Variants in DIP2B observed in about 807,000 individuals in gnomAD.
The protein encoded by DIP2B is disco-interacting protein 2 homolog B.
In DIP2B, 76 loss-of-function variants were observed where a neutral mutation model predicts 198.0. The observed-to-expected ratio is 0.38, with a 90% confidence interval of 0.32 to 0.46. The LOEUF (loss-of-function observed/expected upper bound fraction) is 0.46, where lower values mean the gene tolerates loss of function less well. Ranked by LOEUF, DIP2B falls within the 20% of genes least tolerant of loss-of-function variation. DIP2B has a pLI of 0.99. For missense variants in DIP2B, 1,559 were observed against 1,978.4 expected (o/e 0.79, Z 4.02); for synonymous variants, 701 against 739.1 (o/e 0.95, Z 0.84).
intron 25 of DIP2B, among the ~76,000 whole-genome samples, chr12:50,719,352 A>G (rs1032544136): frequency 2.0e-5 from 3 of 152,222 alleles, no homozygotes; most frequent in Non-Finnish European, 4.4e-5. Context: ...TATGTCATAC[A>G]GTTTTTTTAC....
intron 1 of DIP2B, among the ~76,000 whole-genome samples, chr12:50,587,363 A>C (rs1958780072): frequency 6.6e-6 from 1 of 152,186 alleles, no homozygotes; most frequent in South Asian, 2.1e-4. Flanking sequence ...CTCACTTGCT[A>C]TATGGACCTT....
At chr12:50,675,560 C>A in intron 7 of DIP2B, 112 bp downstream of exon 7, 2 of 1,035,110 alleles carry the variant, frequency 1.9e-6, no homozygotes, top group Non-Finnish European at 2.7e-6. Context: ...GTTCTTGGTT[C>A]AAAGAGTTCA....
chr12:50,592,947 G>C (rs1958832282), intron 1 of DIP2B, among the ~76,000 whole-genome samples: 1 of 151,734 alleles, frequency 6.6e-6, no homozygotes, highest in South Asian at 2.1e-4. Context: ...GGCACTGATG[G>C]CTGACCTGTT....
At chr12:50,564,121 C>CGT (rs35975945) in intron 1 of DIP2B, among the ~76,000 whole-genome samples, 37,009 of 150,834 alleles carry the variant, frequency 0.25, 5,252 homozygotes, top group East Asian at 0.39. Context: ...TGGGTTCTTG[C>CGT]GTGTGTGTGT....
At chr12:50,664,043 G>A (rs1938703438) in intron 4 of DIP2B, among the ~76,000 whole-genome samples, 1 of 152,098 alleles carries the variant, frequency 6.6e-6, no homozygotes. Context: ...CTGTCACTCT[G>A]CACTTGCTGT....
chr12:50,513,885 A>AG (rs1489958276), intron 1 of DIP2B, among the ~76,000 whole-genome samples: 1 of 151,390 alleles, frequency 6.6e-6, no homozygotes, highest in Non-Finnish European at 1.5e-5. Flanking sequence ...AAAAAAAAAA[A>AG]AAAAGTGTTC....
chr12:50,726,770 G>A (rs1020814522), intron 28 of DIP2B, among the ~76,000 whole-genome samples: 3 of 151,844 alleles, frequency 2.0e-5, no homozygotes, highest in Non-Finnish European at 4.4e-5. Context: ...CAAGTAGCTG[G>A]GACTACAGGC....
chr12:50,684,901 G>T (rs902980133), intron 10 of DIP2B, among the ~76,000 whole-genome samples: 2 of 152,096 alleles, frequency 1.3e-5, no homozygotes, highest in African/African-American at 4.8e-5. Flanking sequence ...AAACCAGCCT[G>T]GCCAACATGA....
At chr12:50,523,136 G>C (rs779882233) in intron 1 of DIP2B, among the ~76,000 whole-genome samples, 2 of 152,232 alleles carry the variant, frequency 1.3e-5, no homozygotes, top group Admixed American at 6.5e-5. Flanking sequence ...TCCTTTCTTC[G>C]TAGGGGATTG....
intron 7 of DIP2B, among the ~76,000 whole-genome samples, chr12:50,676,972 G>T (rs890234649): frequency 2.0e-5 from 3 of 152,176 alleles, no homozygotes; most frequent in African/African-American, 4.8e-5. Flanking sequence ...ACTATTTCAT[G>T]AATGTTACGT....
At chr12:50,685,763 A>T (rs924298855) in intron 10 of DIP2B, 70 bp from the exon 11 acceptor site, 14 of 1,494,150 alleles carry the variant, frequency 9.4e-6, no homozygotes, top group Non-Finnish European at 1.3e-5. Context: ...AGCATTACTA[A>T]GTGTCAGATA....
At position 50,564,121 on chromosome 12, in the gene DIP2B, C is replaced by CGTGTGT. The variant is rs35975945; in HGVS notation, c.100+58893_100+58898dup. Reference sequence around the variant, plus strand: ...GTAAATATGTAGTGCTGGGTTCTTGCGTGTGTGTGTGTGTGTGATTTGTTA... The same window carrying CGTGTGT: ...GTAAATATGTAGTGCTGGGTTCTTGCGTGTGTGTGTGTGTGTGTGTGTGATTTGTTA... On this transcript the variant is annotated intron_variant, in intron 1 of 37. Coordinates refer to ENST00000301180, the MANE Select transcript of DIP2B (RefSeq NM_173602.3). Among the ~76,000 whole-genome samples the CGTGTGT allele has an allele frequency of 9.3e-5, 14 of 150,928 alleles. No homozygotes were observed. The East Asian group carries it at 1.4e-3, about 15-fold the overall frequency.
chr12:50,554,223 A>G (rs1054480605), intron 1 of DIP2B, among the ~76,000 whole-genome samples: 1 of 152,050 alleles, frequency 6.6e-6, no homozygotes, highest in African/African-American at 2.4e-5. Context: ...TGCATCATAT[A>G]CTGGCTTCCC....
chr12:50,512,291 G>T (rs1029409188), intron 1 of DIP2B, among the ~76,000 whole-genome samples: 4 of 151,788 alleles, frequency 2.6e-5, no homozygotes, highest in Non-Finnish European at 5.9e-5. Context: ...ATTTTTAGTA[G>T]AGACGGGGTT....
intron 1 of DIP2B, among the ~76,000 whole-genome samples, chr12:50,579,574 T>C (rs113303912): frequency 8.5e-5 from 11 of 129,818 alleles, no homozygotes; most frequent in African/African-American, 3.2e-4. Flanking sequence ...ATCATGGCAC[T>C]GTACTCCAGC....
chr12:50,545,286 C>A (rs1016498759), intron 1 of DIP2B, among the ~76,000 whole-genome samples: 1 of 152,020 alleles, frequency 6.6e-6, no homozygotes, highest in African/African-American at 2.4e-5. Flanking sequence ...CCTGTACTTA[C>A]CAATACTTGC....
intron 3 of DIP2B, among the ~76,000 whole-genome samples, chr12:50,646,054 T>G (rs1453598590): frequency 2.0e-5 from 3 of 152,054 alleles, no homozygotes; most frequent in African/African-American, 4.8e-5. Context: ...AAAATAAAAT[T>G]TATGTGTATT....
intron 3 of DIP2B, among the ~76,000 whole-genome samples, chr12:50,651,409 A>G (rs1281703561): frequency 6.6e-6 from 1 of 152,146 alleles, no homozygotes; most frequent in Non-Finnish European, 1.5e-5. Context: ...TGTCAAATCC[A>G]ATGTCATGAA....
At chr12:50,713,612 G>C (rs1483920229) in intron 22 of DIP2B, among the ~76,000 whole-genome samples, 1 of 152,174 alleles carries the variant, frequency 6.6e-6, no homozygotes, top group Non-Finnish European at 1.5e-5. Context: ...TTTCAGAGGA[G>C]ATGCATGGTA....
Sources: allele counts gnomAD v4.1 joint callset (sites outside exome capture counted in the v4.1 genomes callset), GRCh38; gene constraint gnomAD v4.1.1; transcripts MANE v1.5; gene names NCBI Gene and HGNC (gene_info 2026-07-23, HGNC 2026-07-21).